Variants in ELAVL2 observed in about 807,000 individuals in gnomAD.
The protein encoded by ELAVL2 is ELAV like RNA binding protein 2.
In ELAVL2, 4 loss-of-function variants were observed where a neutral mutation model predicts 34.6. That is an observed-to-expected ratio of 0.12 (90% CI 0.06 to 0.26). The LOEUF (loss-of-function observed/expected upper bound fraction) is 0.26. ELAVL2 is among the 10% of genes least tolerant of loss of function. The pLI, the probability that ELAVL2 is intolerant of heterozygous loss-of-function variation, is 1.00. For missense variants in ELAVL2, 432 were observed against 442.8 expected (o/e 0.98, Z 0.22); for synonymous variants, 193 against 154.8 (o/e 1.25, Z -1.83).
In ELAVL2 at chr9:23,729,936, T is replaced by A. The variant is rs182213100; in HGVS notation, c.333+1086A>T. 3.9e-5 allele frequency among the ~76,000 whole-genome samples: 6 copies of A among 152,252 alleles called. No homozygotes were observed. In the East Asian group the frequency reaches 1.2e-3, roughly 29 times the overall value. ...TCTCTAAGCAAGATGGATACTACAG[T>A]CAGCCTTGACTAACTTCCCCTCACC... On this transcript the variant is annotated intron_variant, in intron 3 of 6. Transcript: ENST00000397312.
chr9:23,844,494 A>G, the ELAVL2 span, among the ~76,000 whole-genome samples: 14 of 152,042 alleles, frequency 9.2e-5, no homozygotes, highest in Admixed American at 2.6e-4. Flanking sequence ...TTAGAAATTC[A>G]AAAGTCTAGA....
At chr9:23,755,799 G>GT (rs2053416136) in intron 2 of ELAVL2, among the ~76,000 whole-genome samples, 1 of 152,070 alleles carries the variant, frequency 6.6e-6, no homozygotes, top group African/African-American at 2.4e-5. Flanking sequence ...GCAAAGTGAG[G>GT]TGTTTATTAA....
intron 1 of ELAVL2, among the ~76,000 whole-genome samples, chr9:23,803,550 T>C (rs1209583113): frequency 6.6e-6 from 1 of 152,186 alleles, no homozygotes; most frequent in Non-Finnish European, 1.5e-5. Flanking sequence ...CCATGTCTTT[T>C]GCTTCAGTTT....
chr9:23,833,616 CTTG>C, the ELAVL2 span, among the ~76,000 whole-genome samples: 1 of 151,622 alleles, frequency 6.6e-6, no homozygotes, highest in East Asian at 1.9e-4. Flanking sequence ...TAAAAATAAT[CTTG>C]TTTTTTTATA....
intron 2 of ELAVL2, among the ~76,000 whole-genome samples, chr9:23,743,832 G>C (rs1391487988): frequency 6.6e-6 from 1 of 152,086 alleles, no homozygotes; most frequent in Non-Finnish European, 1.5e-5. Flanking sequence ...TGTTACTGAA[G>C]TTACTCGATT....
chr9:23,792,688 G>A (rs1176469065), intron 1 of ELAVL2, among the ~76,000 whole-genome samples: 1 of 152,104 alleles, frequency 6.6e-6, no homozygotes, highest in South Asian at 2.1e-4. Context: ...AACTTCTCAA[G>A]CCAAAACCCT....
chr9:23,709,849 G>A (rs1332391118), intron 3 of ELAVL2, among the ~76,000 whole-genome samples: 4 of 152,182 alleles, frequency 2.6e-5, no homozygotes, highest in African/African-American at 9.7e-5. Flanking sequence ...CAGAGAGTCT[G>A]CAATTTAAAT....
At chr9:23,839,687 T>C in the ELAVL2 span, among the ~76,000 whole-genome samples, 1 of 152,298 alleles carries the variant, frequency 6.6e-6, no homozygotes, top group African/African-American at 2.4e-5. Flanking sequence ...CTGTCTCATA[T>C]CTGAATCATT....
At chr9:23,798,757 A>G (rs911871628) in intron 1 of ELAVL2, among the ~76,000 whole-genome samples, 1 of 151,960 alleles carries the variant, frequency 6.6e-6, no homozygotes, top group Non-Finnish European at 1.5e-5. Flanking sequence ...AACACTTTCC[A>G]TTTCCAATAG....
intron 1 of ELAVL2, chr9:23,764,937 G>T: frequency 7.2e-7 from 1 of 1,394,940 alleles, no homozygotes; most frequent in Non-Finnish European, 1.0e-6. Flanking sequence ...TCAAGTGTTT[G>T]GTATGGCCTC....
chr9:23,795,739 G>T (rs2060839830), intron 1 of ELAVL2, among the ~76,000 whole-genome samples: 2 of 152,090 alleles, frequency 1.3e-5, no homozygotes, highest in South Asian at 4.1e-4. Context: ...ACATATTTAA[G>T]AACGAATATT....
At chr9:23,789,221 G>T (rs1426201241) in intron 1 of ELAVL2, among the ~76,000 whole-genome samples, 1 of 152,086 alleles carries the variant, frequency 6.6e-6, no homozygotes, top group Non-Finnish European at 1.5e-5. Flanking sequence ...TATACAGAGG[G>T]TCAGTGACCC....
rs1242952969 is a variant in ELAVL2, at chr9:23,825,863, C to T, written c.-73G>A. ...TTTTAAAGTAACGGTGCAGTTCTCC[C>T]AATAAGGATGAGCAAGAAGCTGCTG... On this transcript the variant is annotated 5_prime_UTR_variant, in exon 1 of 7. Transcript: ENST00000397312. 1 of 152,072 alleles carries T rather than the reference C, an allele frequency of 6.6e-6. No homozygotes were observed. Among genetic ancestry groups the T allele is most frequent in the Admixed American group, 6.5e-5 (1 of 15,278 alleles). The allele number at this position is 152,072 out of a possible 1,614,324, so 9.4% of individuals were successfully genotyped here.
chr9:23,725,552 G>A (rs2044897471), intron 3 of ELAVL2, among the ~76,000 whole-genome samples: 1 of 152,066 alleles, frequency 6.6e-6, no homozygotes, highest in Admixed American at 6.6e-5. Flanking sequence ...GTGGGGGCTG[G>A]TTTACACAGC....
intron 3 of ELAVL2, among the ~76,000 whole-genome samples, chr9:23,723,043 G>A (rs1477154211): frequency 1.3e-5 from 2 of 152,090 alleles, no homozygotes; most frequent in Non-Finnish European, 2.9e-5. Flanking sequence ...AAAGCAACAA[G>A]GGCTAGCAGT....
chr9:23,701,676 C>T (rs1294759589), intron 4 of ELAVL2, 72 bp from the exon 5 acceptor site: 3 of 1,489,008 alleles, frequency 2.0e-6, no homozygotes, highest in East Asian at 4.6e-5. Context: ...AGAAAGGACA[C>T]ATTAATTTTT....
intron 2 of ELAVL2, among the ~76,000 whole-genome samples, chr9:23,752,780 A>C (rs543270335): frequency 6.6e-6 from 1 of 152,248 alleles, no homozygotes; most frequent in South Asian, 2.1e-4. Flanking sequence ...ACACAGCTTA[A>C]ATACTTCTGT....
chr9:23,705,547 G>A (rs550963189), intron 3 of ELAVL2, among the ~76,000 whole-genome samples: 56 of 152,312 alleles, frequency 3.7e-4, no homozygotes, highest in African/African-American at 1.3e-3. Flanking sequence ...TCTTCTGTGG[G>A]GCCAATCCCC....
chr9:23,819,083 G>C (rs1284146940), intron 1 of ELAVL2, among the ~76,000 whole-genome samples: 5 of 152,190 alleles, frequency 3.3e-5, no homozygotes, highest in African/African-American at 4.8e-5. Flanking sequence ...GGTGGCAGGA[G>C]GGGAGGCACA....
Sources: gnomAD v4.1 joint callset for allele counts (sites outside exome capture counted in the v4.1 genomes callset) on GRCh38, gnomAD v4.1.1 for gene constraint, MANE v1.5 for transcripts, NCBI Gene and HGNC (gene_info 2026-07-23, HGNC 2026-07-21) for gene names.